MMD2: variants seen among roughly 807,000 people sequenced by gnomAD.
The protein encoded by MMD2 is monocyte to macrophage differentiation factor 2.
A neutral mutation model predicts 33.5 loss-of-function variants in MMD2; 30 were observed. The ratio of observed to expected loss-of-function variants is 0.90; its 90% CI spans 0.67 to 1.22. MMD2 has a LOEUF of 1.22. Among genes scored for constraint, MMD2 ranks in the 50% most tolerant of loss-of-function variants. The pLI, the probability that MMD2 is intolerant of heterozygous loss-of-function variation, is 0.00. For synonymous variants in MMD2, 129 were observed against 123.0 expected (o/e 1.05, Z -0.32); for missense variants, 364 against 325.4 (o/e 1.12, Z -0.91).
downstream of MMD2, among the ~76,000 whole-genome samples, chr7:4,905,791 T>G (rs771193540): frequency 6.6e-5 from 10 of 152,104 alleles, no homozygotes; most frequent in African/African-American, 9.7e-5. The surrounding 1 kb of genome is among the most constrained non-coding windows in gnomAD (Gnocchi z 5.0). Flanking sequence ...TGACCCCAGC[T>G]GGTGGGAAAT....
At chr7:4,892,478 C>A in the MMD2 span, among the ~76,000 whole-genome samples, 3 of 151,532 alleles carry the variant, frequency 2.0e-5, no homozygotes, top group Non-Finnish European at 4.4e-5. Flanking sequence ...GTCCCAGCTA[C>A]TCGGGAGGCT....
At chr7:4,905,661 CCT>C (rs1376058469), downstream of MMD2, among the ~76,000 whole-genome samples, 1 of 152,136 alleles carries the variant, frequency 6.6e-6, no homozygotes, top group Non-Finnish European at 1.5e-5. The surrounding 1 kb of genome is among the most constrained non-coding windows in gnomAD (Gnocchi z 5.0). Context: ...CCCAGAACCC[CCT>C]CTCCCAGCCC....
intron 1 of MMD2, among the ~76,000 whole-genome samples, chr7:4,936,801 C>G (rs1785752834): frequency 6.6e-6 from 1 of 151,982 alleles, no homozygotes. Context: ...ATGGCGCGAT[C>G]TCAGCTCAGT....
At chr7:4,944,401 G>C (rs577350590) in intron 1 of MMD2, among the ~76,000 whole-genome samples, 1 of 152,302 alleles carries the variant, frequency 6.6e-6, no homozygotes, top group South Asian at 2.1e-4. Context: ...AGGGGAGCCA[G>C]GGGTGAGCCC....
In MMD2 at chr7:4,910,092, T is replaced by G. The variant is rs552052702; in HGVS notation, c.468-142A>C. On this transcript the variant is annotated intron_variant, in intron 5 of 6. Transcript: ENST00000401401. ...GACGCTTTCTCTGTCCAGCACGCCT[T>G]GGCTCAGATTTCACCCAGCTACATC... 8 of 1,572,862 alleles carry G rather than the reference T, an allele frequency of 5.1e-6. No individual in the cohort carries two copies. The East Asian group carries it at 1.8e-4, about 35-fold the overall frequency.
chr7:4,907,185 G>T lies in MMD2; in HGVS notation c.*211C>A, dbSNP rs1784884211. ...CATCTAAAATAGAAACACATTACAG[G>T]GTTAATTTCTCCTCTGTAAGAATGG... On this transcript the variant is annotated 3_prime_UTR_variant, in exon 7 of 7. Transcript: ENST00000401401. The T allele has an allele frequency of 3.5e-6, 2 of 573,916 alleles. No individual in the cohort carries two copies. Among genetic ancestry groups the T allele is most frequent in the Admixed American group, 3.0e-5 (1 of 32,870 alleles). 35.6% of individuals were successfully genotyped at this position (573,916 alleles called of 1,614,324 possible). A position where few individuals can be genotyped will look rare whatever the true frequency, so the allele number is the denominator to read the frequency against.
At chr7:4,919,441 A>T (rs1289623256) in intron 3 of MMD2, among the ~76,000 whole-genome samples, 2 of 150,952 alleles carry the variant, frequency 1.3e-5, no homozygotes, top group Admixed American at 6.6e-5. Flanking sequence ...ATGATGGCAC[A>T]CACCTGTGGT....
rs116188632 is a variant in MMD2, at chr7:4,922,617, C to A, written c.130-2286G>T. 3.5e-3 allele frequency among the ~76,000 whole-genome samples: 539 copies of A among 152,126 alleles called. 7 individuals carry two copies. The highest frequency in any genetic ancestry group is 0.013 in the African/African-American group (527 of 41,482). ...AGAGATGGAATCGCTCTCTGTTGCC[C>A]AGGCTGGAGTGCAGTGGTACAATCA... On this transcript the variant is annotated intron_variant, in intron 2 of 6. Coordinates refer to ENST00000401401, the MANE Select transcript of MMD2 (RefSeq NM_198403.4).
At chr7:4,928,715 T>C (rs1395088756) in intron 1 of MMD2, among the ~76,000 whole-genome samples, 1 of 148,972 alleles carries the variant, frequency 6.7e-6, no homozygotes, top group Non-Finnish European at 1.5e-5. Flanking sequence ...GGAGCATTTA[T>C]TAAGCACCCT....
chr7:4,922,760 G>A (rs1423653896), intron 2 of MMD2, among the ~76,000 whole-genome samples: 2 of 151,880 alleles, frequency 1.3e-5, no homozygotes, highest in African/African-American at 2.4e-5. Flanking sequence ...GCTATTTTGC[G>A]ATCACCTACC....
intron 1 of MMD2, among the ~76,000 whole-genome samples, chr7:4,947,355 TGGGAGCAGGA>T (rs1010063732): frequency 6.6e-6 from 1 of 150,678 alleles, no homozygotes; most frequent in African/African-American, 2.4e-5. Flanking sequence ...GTGTCTTACA[TGGGAGCAGGA>T]GGAAGGGAGA....
chr7:4,947,951 G>A (rs1200523529), intron 1 of MMD2, among the ~76,000 whole-genome samples: 1 of 152,006 alleles, frequency 6.6e-6, no homozygotes, highest in Non-Finnish European at 1.5e-5. Context: ...ACCCACCTCA[G>A]CCTCCCAAAG....
chr7:4,904,942 G>A (rs1330547187), downstream of MMD2, among the ~76,000 whole-genome samples: 1 of 152,204 alleles, frequency 6.6e-6, no homozygotes, highest in Non-Finnish European at 1.5e-5. Flanking sequence ...CTAAGTCAGA[G>A]GAAGGCCAGA....
chr7:4,946,401 T>C lies in MMD2; in HGVS notation c.47+12570A>G, dbSNP rs1417693948. 6.6e-6 allele frequency among the ~76,000 whole-genome samples: 1 copy of C among 152,140 alleles called. No individual in the cohort carries two copies. The highest frequency in any genetic ancestry group is 2.4e-5 in the African/African-American group (1 of 41,444). ...GAAACCTTGGCTTTATCTAAGATAA[T>C]AATGAAAATCCAAGTACTTTAAAAA... is the stretch of plus-strand genomic sequence containing the variant. On this transcript the variant is annotated intron_variant, in intron 1 of 6. Coordinates refer to ENST00000401401, the MANE Select transcript of MMD2 (RefSeq NM_198403.4). This position sits in a 1 kb window ranked among gnomAD's most constrained non-coding sequence, Gnocchi z 5.0.
At chr7:4,915,286 A>C (rs1046895739) in intron 4 of MMD2, among the ~76,000 whole-genome samples, 42 of 151,760 alleles carry the variant, frequency 2.8e-4, no homozygotes, top group African/African-American at 9.9e-4. Context: ...AAAAAAATTA[A>C]AAATTTAAAA....
At chr7:4,914,295 C>G (rs774465735) in intron 4 of MMD2, among the ~76,000 whole-genome samples, 25 of 152,150 alleles carry the variant, frequency 1.6e-4, no homozygotes, top group Non-Finnish European at 2.8e-4. Flanking sequence ...AGAAGTGTCT[C>G]CACTGTGTGT....
chr7:4,940,631 G>A lies in MMD2; in HGVS notation c.48-15099C>T, dbSNP rs772833805. 6.6e-6 allele frequency among the ~76,000 whole-genome samples: 1 copy of A among 152,206 alleles called. No homozygotes were observed. Among genetic ancestry groups the A allele is most frequent in the African/African-American group, 2.4e-5 (1 of 41,454 alleles). Reference sequence around the variant, plus strand: ...AATTCAAGGCTCCTCCTGAAAGGCCGGCGGTATCTTGGCTCAGTCTTTGGG... The same window carrying A: ...AATTCAAGGCTCCTCCTGAAAGGCCAGCGGTATCTTGGCTCAGTCTTTGGG... On this transcript the variant is annotated intron_variant, in intron 1 of 6. Transcript: ENST00000401401. This position sits in a 1 kb window ranked among gnomAD's most constrained non-coding sequence, Gnocchi z 5.0.
intron 1 of MMD2, among the ~76,000 whole-genome samples, chr7:4,954,823 T>C (rs1489314768): frequency 6.6e-6 from 1 of 152,224 alleles, no homozygotes; most frequent in Non-Finnish European, 1.5e-5. Context: ...TATTCTTTTA[T>C]AGATTCTCAA....
chr7:4,909,622 A>T, intron 6 of MMD2: 1 of 637,406 alleles, frequency 1.6e-6, no homozygotes, highest in Admixed American at 2.5e-5. Context: ...TTTTTTTTAG[A>T]GATGGGTCTT....
Sources: allele counts gnomAD v4.1 joint callset (sites outside exome capture counted in the v4.1 genomes callset), GRCh38; gene constraint gnomAD v4.1.1; non-coding constraint Gnocchi (gnomAD v3.1); transcripts MANE v1.5; gene names NCBI Gene and HGNC (gene_info 2026-07-23, HGNC 2026-07-21).